The following GAREM1 variants were observed in gnomAD, a reference collection of about 807,000 sequenced individuals.
The protein encoded by GAREM1 is GRB2 associated regulator of MAPK1 subtype 1.
In GAREM1, 26 loss-of-function variants were observed where a neutral mutation model predicts 71.3. The observed-to-expected ratio is 0.36, with a 90% CI of 0.27 to 0.51. The LOEUF (loss-of-function observed/expected upper bound fraction) is 0.51. Ranked by LOEUF, GAREM1 falls within the 20% of genes least tolerant of loss-of-function variation. The pLI, the probability that GAREM1 is intolerant of heterozygous loss-of-function variation, is 0.95. For missense variants in GAREM1, 1,026 were observed against 1,103.1 expected (o/e 0.93, Z 0.99); for synonymous variants, 440 against 433.2 (o/e 1.02, Z -0.20).
At chr18:32,364,801 G>A (rs909404806) in intron 2 of GAREM1, among the ~76,000 whole-genome samples, 1 of 152,036 alleles carries the variant, frequency 6.6e-6, no homozygotes, top group Non-Finnish European at 1.5e-5. Context: ...GTACACCAGA[G>A]ATGAACAAAG....
At position 32,287,880 on chromosome 18, in the gene GAREM1, A is replaced by G; in HGVS notation, c.717T>C (p.Ile239=). 6.2e-7 allele frequency: 1 copy of G among 1,613,318 alleles called. No homozygotes were observed. Among genetic ancestry groups the G allele is most frequent in the Non-Finnish European group, 8.5e-7 (1 of 1,179,804 alleles). ...MQEGEHTIRN[I]VEKTRLPVNV... ...TCACAGGAAGCCTGGTTTTCTCCAC[A>G]ATGTTGCGGATGGTGTGTTCGCCCT... Residue 239 remains isoleucine, a synonymous_variant, in exon 4 of 6, where the codon ATT becomes ATC. Coordinates refer to ENST00000269209, the MANE Select transcript of GAREM1 (RefSeq NM_001242409.2). The surrounding 1 kb of genome is among the most constrained non-coding windows in gnomAD (Gnocchi z 5.9).
intron 2 of GAREM1, among the ~76,000 whole-genome samples, chr18:32,388,950 TG>T (rs1178954440): frequency 1.3e-5 from 2 of 152,176 alleles, no homozygotes; most frequent in Admixed American, 1.3e-4. Flanking sequence ...AGGATATCCT[TG>T]TTCTTAGGAA....
At chr18:32,379,620 G>A (rs528325357) in intron 2 of GAREM1, among the ~76,000 whole-genome samples, 9 of 151,686 alleles carry the variant, frequency 5.9e-5, no homozygotes, top group East Asian at 3.9e-4. Flanking sequence ...AAGGAAAATC[G>A]CTTGAACCCA....
chr18:32,326,530 G>A (rs1305242262), intron 2 of GAREM1, among the ~76,000 whole-genome samples: 1 of 152,206 alleles, frequency 6.6e-6, no homozygotes, highest in African/African-American at 2.4e-5. Context: ...AAATAGCCAT[G>A]TTGCTGCTCT....
At chr18:32,424,923 G>A (rs1015540542) in intron 1 of GAREM1, among the ~76,000 whole-genome samples, 2 of 152,124 alleles carry the variant, frequency 1.3e-5, no homozygotes, top group African/African-American at 4.8e-5. Flanking sequence ...AACATCCACA[G>A]AGGCCAGCCC....
intron 4 of GAREM1, among the ~76,000 whole-genome samples, chr18:32,274,935 G>A (rs144253681): frequency 1.4e-4 from 20 of 147,826 alleles, no homozygotes; most frequent in African/African-American, 4.8e-4. Context: ...CCTGGTAGGT[G>A]TTAAGAAATG....
rs1753964058 is a variant in GAREM1, at chr18:32,267,453, A to T, written c.*418T>A. On this transcript the variant is annotated 3_prime_UTR_variant, in exon 6 of 6. Transcript: ENST00000269209. ...AATGACAGAGCACAGAACACAGTTAATTGTCTAAAGTCAACCCTCCTGAAA... is the reference window on the plus strand; with the variant it reads ...AATGACAGAGCACAGAACACAGTTATTTGTCTAAAGTCAACCCTCCTGAAA... 6.4e-6 allele frequency: 1 copy of T among 155,796 alleles called. No individual in the cohort carries two copies. Among genetic ancestry groups the T allele is most frequent in the African/African-American group, 2.4e-5 (1 of 41,456 alleles). 9.7% of individuals were successfully genotyped at this position (155,796 alleles called of 1,614,324 possible). A position where few individuals can be genotyped will look rare whatever the true frequency, so the allele number is the denominator to read the frequency against.
At chr18:32,389,842 T>C (rs991625947) in intron 2 of GAREM1, among the ~76,000 whole-genome samples, 3 of 152,090 alleles carry the variant, frequency 2.0e-5, no homozygotes, top group African/African-American at 7.2e-5. Context: ...ATCAATCATA[T>C]CAAGACTCCT....
chr18:32,379,653 C>T (rs2048074282), intron 2 of GAREM1, among the ~76,000 whole-genome samples: 1 of 151,248 alleles, frequency 6.6e-6, no homozygotes, highest in South Asian at 2.1e-4. Context: ...TGCAGTGAGC[C>T]AAGATCACAC....
chr18:32,320,721 C>T (rs770374052), intron 2 of GAREM1, among the ~76,000 whole-genome samples: 4 of 152,182 alleles, frequency 2.6e-5, no homozygotes, highest in Non-Finnish European at 4.4e-5. Flanking sequence ...GAATTCAAAA[C>T]TCAACCATTC....
intron 3 of GAREM1, among the ~76,000 whole-genome samples, chr18:32,299,536 A>AAAAT (rs2047179727): frequency 6.7e-6 from 1 of 148,360 alleles, no homozygotes; most frequent in Non-Finnish European, 1.5e-5. Context: ...AAAAAAAAAA[A>AAAAT]GTGGCTATAT....
chr18:32,392,203 G>GTT (rs35687173), intron 2 of GAREM1, among the ~76,000 whole-genome samples: 18,784 of 147,408 alleles, frequency 0.13, 1,271 homozygotes, highest in African/African-American at 0.18. Flanking sequence ...GGTAACATAA[G>GTT]TTTTTTTTTT....
At chr18:32,374,009 T>C (rs1426308612) in intron 2 of GAREM1, among the ~76,000 whole-genome samples, 4 of 152,244 alleles carry the variant, frequency 2.6e-5, no homozygotes, top group Non-Finnish European at 4.4e-5. Flanking sequence ...TAAAATCTGA[T>C]GTGTGATTCA....
chr18:32,419,978 G>A (rs142748949), intron 1 of GAREM1, among the ~76,000 whole-genome samples: 1 of 152,164 alleles, frequency 6.6e-6, no homozygotes, highest in African/African-American at 2.4e-5. Context: ...GAAGAGCCAC[G>A]TAACAGTATA....
chr18:32,311,843 G>C (rs2047327604), intron 2 of GAREM1, among the ~76,000 whole-genome samples: 1 of 152,222 alleles, frequency 6.6e-6, no homozygotes, highest in Non-Finnish European at 1.5e-5. Flanking sequence ...CGGAGAGCTG[G>C]TGATCTAACC....
At chr18:32,352,343 C>A (rs1015928527) in intron 2 of GAREM1, among the ~76,000 whole-genome samples, 8 of 152,186 alleles carry the variant, frequency 5.3e-5, no homozygotes, top group Non-Finnish European at 4.4e-5. Flanking sequence ...CCGTGGCCAG[C>A]GACACCTGGG....
At chr18:32,418,026 G>T (rs2144692707) in intron 1 of GAREM1, among the ~76,000 whole-genome samples, 1 of 152,058 alleles carries the variant, frequency 6.6e-6, no homozygotes, top group African/African-American at 2.4e-5. Context: ...TTAAAAAAAT[G>T]AATATGGAAA....
chr18:32,412,259 G>T, intron 1 of GAREM1: 1 of 1,571,594 alleles, frequency 6.4e-7, no homozygotes, highest in Non-Finnish European at 8.7e-7. Flanking sequence ...TGCTGGAACC[G>T]CCATAGCCAC....
At chr18:32,334,195 G>A (rs907780132) in intron 2 of GAREM1, among the ~76,000 whole-genome samples, 1 of 152,064 alleles carries the variant, frequency 6.6e-6, no homozygotes, top group East Asian at 1.9e-4. Context: ...AAATCTATAG[G>A]AGAAGAGAGA....
Sources: gnomAD v4.1 joint callset for allele counts (sites outside exome capture counted in the v4.1 genomes callset) on GRCh38, gnomAD v4.1.1 for gene constraint, Gnocchi (gnomAD v3.1) non-coding constraint, MANE v1.5 for transcripts, NCBI Gene and HGNC (gene_info 2026-07-23, HGNC 2026-07-21) for gene names.